DGKI: variants seen among roughly 807,000 people sequenced by gnomAD.
DGKI encodes the protein diacylglycerol kinase iota.
Under a neutral mutation model 147.5 loss-of-function variants are expected in DGKI, and 55 were observed. The observed-to-expected ratio is 0.37, with a 90% CI of 0.30 to 0.47. DGKI has a LOEUF of 0.47. Among genes scored for constraint, DGKI ranks in the 20% least tolerant of loss-of-function variants. DGKI has a pLI of 1.00. For synonymous variants in DGKI, 469 were observed against 477.1 expected, an observed-to-expected ratio of 0.98 and a Z score of 0.22; for missense variants, 1,007 against 1,323.8, an observed-to-expected ratio of 0.76 and a Z score of 3.71.
chr7:137,453,769 C>T (rs1039219567), intron 27 of DGKI, among the ~76,000 whole-genome samples: 1 of 152,062 alleles, frequency 6.6e-6, no homozygotes. Context: ...GAAATCATTT[C>T]CAGCATGTAA....
intron 23 of DGKI, among the ~76,000 whole-genome samples, chr7:137,472,234 A>ATATATGTATATATACACATAATAT (rs1426346556): frequency 0.063 from 6,014 of 95,090 alleles, 412 homozygotes; most frequent in African/African-American, 0.091. Flanking sequence ...TATACATATA[A>ATATATGTATATATACACATAATAT]TATATGTATA....
chr7:137,780,260 T>C (rs540333707), intron 1 of DGKI, among the ~76,000 whole-genome samples: 41 of 152,304 alleles, frequency 2.7e-4, no homozygotes, highest in Non-Finnish European at 4.9e-4. Flanking sequence ...AAAGATAAAT[T>C]ACATGAAGGC....
chr7:137,703,277 T>C (rs1157032782), intron 1 of DGKI, among the ~76,000 whole-genome samples: 1 of 152,168 alleles, frequency 6.6e-6, no homozygotes, highest in Non-Finnish European at 1.5e-5. Flanking sequence ...TCACTCACTA[T>C]CACGAGAACA....
In DGKI at chr7:137,529,170, TA is replaced by T. The variant is rs900595886; in HGVS notation, c.2148-7205del. Among the ~76,000 whole-genome samples, 15 of 152,306 alleles carry T rather than the reference TA, an allele frequency of 9.8e-5. No individual in the cohort carries two copies. The South Asian group carries it at 2.1e-3, about 21-fold the overall frequency. ...ATTTTAAAGCCTCCATGGAAATTTG[TA>T]ATAAATTTCTGTGCTTAGGGGAGCG... On this transcript the variant is annotated intron_variant, in intron 20 of 32. Transcript: ENST00000614521.
intron 1 of DGKI, among the ~76,000 whole-genome samples, chr7:137,800,484 C>A (rs968749965): frequency 9.2e-5 from 14 of 152,144 alleles, no homozygotes; most frequent in African/African-American, 3.4e-4. Flanking sequence ...ATGTGAGACA[C>A]CTGCTCCCTC....
chr7:137,697,664 A>T (rs1376353042), intron 1 of DGKI, among the ~76,000 whole-genome samples: 2 of 152,184 alleles, frequency 1.3e-5, no homozygotes, highest in East Asian at 3.8e-4. Flanking sequence ...CACCTCTATC[A>T]GTTTTGGATT....
chr7:137,479,147 C>T (rs978245756), intron 23 of DGKI, among the ~76,000 whole-genome samples: 1 of 152,110 alleles, frequency 6.6e-6, no homozygotes, highest in Non-Finnish European at 1.5e-5. Context: ...TGTGACTTTT[C>T]TTCATATAAA....
intron 1 of DGKI, among the ~76,000 whole-genome samples, chr7:137,736,051 T>C (rs995691680): frequency 6.6e-6 from 1 of 152,078 alleles, no homozygotes; most frequent in African/African-American, 2.4e-5. Flanking sequence ...ACACATGTTG[T>C]GTAGAAAGCC....
intron 18 of DGKI, 100 bp from the exon 19 acceptor site, chr7:137,571,386 A>C: frequency 1.2e-6 from 1 of 801,136 alleles, no homozygotes; most frequent in Non-Finnish European, 2.0e-6. Context: ...TATCAAACAT[A>C]AAAACAGTTT....
chr7:137,753,531 C>G (rs146001979), intron 1 of DGKI, among the ~76,000 whole-genome samples: 20 of 152,278 alleles, frequency 1.3e-4, no homozygotes, highest in South Asian at 4.1e-4. Flanking sequence ...AGGAACGGAA[C>G]AGAGTGGGAG....
intron 28 of DGKI, among the ~76,000 whole-genome samples, chr7:137,426,342 C>T (rs1812804385): frequency 6.6e-6 from 1 of 152,112 alleles, no homozygotes; most frequent in Non-Finnish European, 1.5e-5. Flanking sequence ...TACAGACAAG[C>T]AAATGCTGAG....
At chr7:137,821,171 G>A (rs1797885988) in intron 1 of DGKI, among the ~76,000 whole-genome samples, 1 of 152,156 alleles carries the variant, frequency 6.6e-6, no homozygotes, top group South Asian at 2.1e-4. Context: ...GAGAACACAG[G>A]CTACAGAGAA....
chr7:137,428,440 A>G (rs992864871), intron 28 of DGKI, among the ~76,000 whole-genome samples: 26 of 152,286 alleles, frequency 1.7e-4, no homozygotes, highest in African/African-American at 5.8e-4. Flanking sequence ...CCCACAGCCA[A>G]TATCATACTG....
At chr7:137,821,947 T>C (rs1797915705) in intron 1 of DGKI, among the ~76,000 whole-genome samples, 1 of 152,170 alleles carries the variant, frequency 6.6e-6, no homozygotes, top group Non-Finnish European at 1.5e-5. Context: ...TCTGAGGACC[T>C]CTGACTACTC....
chr7:137,823,401 T>C (rs748362143), intron 1 of DGKI, among the ~76,000 whole-genome samples: 18 of 152,182 alleles, frequency 1.2e-4, no homozygotes, highest in Non-Finnish European at 2.2e-4. Context: ...AAAATGTATA[T>C]ATATTCTCAG....
chr7:137,520,331 A>G (rs1053499592), intron 21 of DGKI, among the ~76,000 whole-genome samples: 1 of 152,106 alleles, frequency 6.6e-6, no homozygotes, highest in Non-Finnish European at 1.5e-5. Flanking sequence ...AGAACATAAA[A>G]CACTGTTCTT....
intron 1 of DGKI, among the ~76,000 whole-genome samples, chr7:137,691,555 G>A (rs191697701): frequency 1.6e-4 from 24 of 152,288 alleles, no homozygotes; most frequent in African/African-American, 5.1e-4. Flanking sequence ...CCATATAAAC[G>A]GGAAGGAATA....
chr7:137,583,164 G>T (rs1181153208), intron 14 of DGKI, among the ~76,000 whole-genome samples: 1 of 152,098 alleles, frequency 6.6e-6, no homozygotes, highest in Non-Finnish European at 1.5e-5. Flanking sequence ...AGTAAGGAAT[G>T]ACCCCACATG....
chr7:137,597,305 A>G (rs1245619171), intron 12 of DGKI, among the ~76,000 whole-genome samples: 1 of 152,162 alleles, frequency 6.6e-6, no homozygotes, highest in African/African-American at 2.4e-5. Flanking sequence ...CCTTGACTTG[A>G]TCATTATACA....
Sources: gnomAD v4.1 joint callset for allele counts (sites outside exome capture counted in the v4.1 genomes callset) on GRCh38, gnomAD v4.1.1 for gene constraint, MANE v1.5 for transcripts, NCBI Gene and HGNC (gene_info 2026-07-23, HGNC 2026-07-21) for gene names.